Variants in KLHL2 observed in about 807,000 individuals in gnomAD.
KLHL2 encodes the protein kelch like family member 2, also known as kelch-like protein 2.
A neutral mutation model predicts 75.8 loss-of-function variants in KLHL2; 15 were observed. That is an observed-to-expected ratio of 0.20 (90% CI 0.13 to 0.30). The LOEUF is 0.30. KLHL2 is among the 10% of genes least tolerant of loss of function. The pLI, the probability that KLHL2 is intolerant of heterozygous loss-of-function variation, is 1.00. For synonymous variants in KLHL2, 214 were observed against 251.9 expected (o/e 0.85, Z 1.42); for missense variants, 381 against 741.0 (o/e 0.51, Z 5.64).
intron 3 of KLHL2, among the ~76,000 whole-genome samples, chr4:165,234,236 CTG>C (rs1476270190): frequency 6.6e-6 from 1 of 152,262 alleles, no homozygotes; most frequent in East Asian, 1.9e-4. Flanking sequence ...CTGAAAATGC[CTG>C]TGTGTCAGTA....
chr4:165,284,016 C>A (rs559937097), intron 5 of KLHL2, among the ~76,000 whole-genome samples: 1 of 152,174 alleles, frequency 6.6e-6, no homozygotes, highest in African/African-American at 2.4e-5. Flanking sequence ...GGCTGGGACA[C>A]AGGGCACCGT....
Position 165,228,371 on chromosome 4 carries a change from A to ATTT in KLHL2, c.153-424_153-422dup, listed in dbSNP as rs113698961. On this transcript the variant is annotated intron_variant, in intron 2 of 14. Coordinates refer to ENST00000226725, the MANE Select transcript of KLHL2 (RefSeq NM_007246.4). ...GCTTGATGAACTAGCGTCTTTTAAG[A>ATTT]TTTTTTTTTTTTTTGAGAGGGGATG... 8.9e-4 allele frequency among the ~76,000 whole-genome samples: 128 copies of ATTT among 144,024 alleles called. 2 individuals are homozygous for ATTT. Among genetic ancestry groups the ATTT allele is most frequent in the East Asian group, 1.2e-3 (6 of 4,840 alleles). 94.5% of individuals were successfully genotyped at this position (144,024 alleles called of 152,430 possible).
chr4:165,313,887 T>C (rs945185432), intron 12 of KLHL2, 139 bp from the exon 13 acceptor site: 1 of 716,054 alleles, frequency 1.4e-6, no homozygotes, highest in Non-Finnish European at 2.2e-6. Context: ...ATTTCTTAAA[T>C]TGTAGGCTAT....
At chr4:165,258,674 T>G (rs1038038039) in intron 4 of KLHL2, among the ~76,000 whole-genome samples, 1 of 152,228 alleles carries the variant, frequency 6.6e-6, no homozygotes, top group African/African-American at 2.4e-5. Context: ...AATAGCAAAT[T>G]AAGAAATCAC....
At chr4:165,314,246 C>T (rs1746441257) in intron 13 of KLHL2, 80 bp downstream of exon 13, 1 of 1,280,552 alleles carries the variant, frequency 7.8e-7, no homozygotes, top group African/African-American at 1.5e-5. Flanking sequence ...CAATGAATAT[C>T]AATGGTATTT....
Position 165,286,374 on chromosome 4 carries a change from G to A in KLHL2, c.545-7985G>A, listed in dbSNP as rs574661881. Among the ~76,000 whole-genome samples the A allele has an allele frequency of 3.3e-5, 5 of 152,176 alleles. No homozygotes were observed. In the South Asian group the frequency reaches 1.0e-3, roughly 32 times the overall value. ...GGTTTGGGGGGAGAGGTTGGATCTG[G>A]GAGCAACAATATTAGGGTAATAAAG... On this transcript the variant is annotated intron_variant, in intron 5 of 14. Coordinates refer to ENST00000226725, the MANE Select transcript of KLHL2 (RefSeq NM_007246.4).
chr4:165,253,286 G>A (rs1432891362), intron 4 of KLHL2, among the ~76,000 whole-genome samples: 4 of 152,002 alleles, frequency 2.6e-5, no homozygotes, highest in South Asian at 2.1e-4. Flanking sequence ...CAACCGCCTC[G>A]GCCTCCCAAA....
At chr4:165,289,828 C>A (rs1744374557) in intron 5 of KLHL2, among the ~76,000 whole-genome samples, 1 of 152,134 alleles carries the variant, frequency 6.6e-6, no homozygotes, top group African/African-American at 2.4e-5. Flanking sequence ...TGGAAAAGTT[C>A]TCTCAGTTAT....
chr4:165,262,867 C>T (rs1328392670), intron 4 of KLHL2, among the ~76,000 whole-genome samples: 1 of 152,136 alleles, frequency 6.6e-6, no homozygotes, highest in African/African-American at 2.4e-5. Context: ...GTGTGAGTCA[C>T]CATGCCCTGC....
chr4:165,269,816 T>G lies in KLHL2; in HGVS notation c.544+6457T>G, dbSNP rs141531234. Among the ~76,000 whole-genome samples the G allele has an allele frequency of 5.7e-3, 861 of 152,060 alleles. 9 individuals carry two copies. The highest frequency in any genetic ancestry group is 0.02 in the African/African-American group (813 of 41,508). ...TTGGGGTTGCTCTTCTTGAGGATTA[T>G]CTTTGTCTTTGTGGTGTTCTCTATA... is the stretch of plus-strand genomic sequence containing the variant. On this transcript the variant is annotated intron_variant, in intron 5 of 14. Coordinates refer to ENST00000226725, the MANE Select transcript of KLHL2 (RefSeq NM_007246.4).
chr4:165,264,767 A>ATATAG (rs1742109332), intron 5 of KLHL2, among the ~76,000 whole-genome samples: 3 of 72,042 alleles, frequency 4.2e-5, no homozygotes, highest in Non-Finnish European at 7.6e-5. Flanking sequence ...TATATATATA[A>ATATAG]AACATTATCC....
At position 165,263,352 on chromosome 4, in the gene KLHL2, C is replaced by T. The variant is rs762131459; in HGVS notation, c.537C>T (p.Thr179=). The change falls in exon 5 of 15, where the codon ACC becomes ACT. Residue 179 remains threonine, a synonymous_variant. Transcript: ENST00000226725. ...ACTDLLNKAN[T]YAEQHFADVV... is the part of the protein sequence containing the mutation. ...CCGACCTTCTGAACAAGGCCAACAC[C>T]TATGCAGGCAAGTGGAGTAGACCTC... is the stretch of plus-strand genomic sequence containing the variant. The T allele has an allele frequency of 6.2e-7, 1 of 1,613,678 alleles. No individual in the cohort carries two copies. The highest frequency in any genetic ancestry group is 8.5e-7 in the Non-Finnish European group (1 of 1,179,736).
chr4:165,230,545 G>T (rs1331810875), intron 3 of KLHL2, among the ~76,000 whole-genome samples: 1 of 149,508 alleles, frequency 6.7e-6, no homozygotes, highest in South Asian at 2.1e-4. Flanking sequence ...TTCTGTACAA[G>T]ATTGGAAAGC....
intron 5 of KLHL2, among the ~76,000 whole-genome samples, chr4:165,284,087 C>T (rs1307343180): frequency 2.0e-5 from 3 of 152,138 alleles, no homozygotes; most frequent in Non-Finnish European, 2.9e-5. Context: ...ACTTTTTCCT[C>T]CTAGGCCTCT....
chr4:165,298,701 G>A (rs1040657602), intron 7 of KLHL2, among the ~76,000 whole-genome samples: 19 of 152,096 alleles, frequency 1.2e-4, no homozygotes, highest in Non-Finnish European at 2.5e-4. Flanking sequence ...CCAGCACTTA[G>A]GGAGGCGGAG....
At chr4:165,208,774 T>G (rs1737012177) in intron 1 of KLHL2, among the ~76,000 whole-genome samples, 1 of 152,182 alleles carries the variant, frequency 6.6e-6, no homozygotes, top group Admixed American at 6.5e-5. Flanking sequence ...AAGAGTCCTT[T>G]GAATCTGACT....
chr4:165,282,778 A>C (rs1743796166), intron 5 of KLHL2, among the ~76,000 whole-genome samples: 1 of 146,110 alleles, frequency 6.8e-6, no homozygotes, highest in Admixed American at 6.7e-5. Flanking sequence ...TAAGAGTGAA[A>C]AAGATTTTAG....
At chr4:165,297,853 G>C in intron 7 of KLHL2, 128 bp downstream of exon 7, 1 of 690,992 alleles carries the variant, frequency 1.4e-6, no homozygotes, top group Non-Finnish European at 2.6e-6. Context: ...ACAGAAGACA[G>C]TAAAGGACCC....
chr4:165,250,452 A>G (rs1740616152), intron 4 of KLHL2, among the ~76,000 whole-genome samples: 1 of 152,236 alleles, frequency 6.6e-6, no homozygotes, highest in African/African-American at 2.4e-5. Flanking sequence ...AGAAAATAAT[A>G]AGGAGCCCTT....
Sources: gnomAD v4.1 joint callset for allele counts (sites outside exome capture counted in the v4.1 genomes callset) on GRCh38, gnomAD v4.1.1 for gene constraint, MANE v1.5 for transcripts, NCBI Gene and HGNC (gene_info 2026-07-23, HGNC 2026-07-21) for gene names.